NCKAP5L: variants seen among roughly 807,000 people sequenced by gnomAD.
NCKAP5L encodes the protein nck-associated protein 5-like.
A neutral mutation model predicts 103.2 loss-of-function variants in NCKAP5L; 54 were observed. The ratio of observed to expected loss-of-function variants is 0.52; its 90% CI spans 0.42 to 0.66. The LOEUF (loss-of-function observed/expected upper bound fraction) is 0.66, where lower values mean the gene tolerates loss of function less well. NCKAP5L is among the 30% of genes least tolerant of loss of function. The pLI is 0.00. For synonymous variants in NCKAP5L, 762 were observed against 748.6 expected, an observed-to-expected ratio of 1.02 and a Z score of -0.29; for missense variants, 1,733 against 1,750.6, an observed-to-expected ratio of 0.99 and a Z score of 0.18.
rs1260960734 is a variant in NCKAP5L, at chr12:49,802,032, C to G, written c.232-65G>C. 3 of 1,592,306 alleles carry G rather than the reference C, an allele frequency of 1.9e-6. No individual in the cohort carries two copies. The African/African-American group carries it at 4.0e-5, about 21-fold the overall frequency. On this transcript the variant is annotated intron_variant, in intron 5 of 12. Coordinates refer to ENST00000335999, the MANE Select transcript of NCKAP5L (RefSeq NM_001037806.4). ...GATGGTGGGAGAGTGTCACAGTGCT[C>G]TTCATCAGAGCAGCGGCATCTGTCT...
At chr12:49,802,782 C>A in intron 5 of NCKAP5L, 176 bp downstream of exon 5, 2 of 668,250 alleles carry the variant, frequency 3.0e-6, no homozygotes, top group South Asian at 1.9e-5. Context: ...TGCTCAGAGA[C>A]CTGGCCTTAC....
chr12:49,804,736 C>T (rs1174896010), intron 2 of NCKAP5L: 1 of 152,264 alleles, frequency 6.6e-6, no homozygotes, highest in East Asian at 1.9e-4. Flanking sequence ...TTTCCTAGTT[C>T]TGAGAAATGG....
chr12:49,792,869 T>C lies in NCKAP5L; in HGVS notation c.3458A>G (p.Asp1153Gly). 6.5e-7 allele frequency: 1 copy of C among 1,546,114 alleles called. No individual in the cohort carries two copies. The highest frequency in any genetic ancestry group is 2.3e-5 in the East Asian group (1 of 44,338). The change falls in exon 11 of 13, where the codon GAT becomes GGT. Residue 1153 changes from aspartate (D) to glycine (G), a missense_variant. Transcript: ENST00000335999. The surrounding 1 kb of genome is among the most constrained non-coding windows in gnomAD (Gnocchi z 4.5). Reference protein sequence around the residue: ...NLPKTKPPRLDPPPGVPPARP... With the variant: ...NLPKTKPPRLGPPPGVPPARP... ...AGCTGGGGGTACCCCAGGTGGGGGATCCAGCCGCGGTGGCTTGGTCTTAGG... is the reference window on the plus strand; with the variant it reads ...AGCTGGGGGTACCCCAGGTGGGGGACCCAGCCGCGGTGGCTTGGTCTTAGG...
At chr12:49,814,817 C>T (rs1458895935) in intron 1 of NCKAP5L, among the ~76,000 whole-genome samples, 1 of 152,230 alleles carries the variant, frequency 6.6e-6, no homozygotes, top group African/African-American at 2.4e-5. Flanking sequence ...CAGGATTCCA[C>T]AGGGTACTTG....
Position 49,791,740 on chromosome 12 carries a change from C to T in NCKAP5L, c.*99G>A. ...TCTTATCCACCTGCCTCCTTGGTCCCTTCAGGGAGGGGTCCCCGTCTCCGG... is the reference window on the plus strand; with the variant it reads ...TCTTATCCACCTGCCTCCTTGGTCCTTTCAGGGAGGGGTCCCCGTCTCCGG... On this transcript the variant is annotated 3_prime_UTR_variant, in exon 13 of 13. Coordinates refer to ENST00000335999, the MANE Select transcript of NCKAP5L (RefSeq NM_001037806.4). 1 of 1,142,184 alleles carries T rather than the reference C, an allele frequency of 8.8e-7. No individual in the cohort carries two copies. The highest frequency in any genetic ancestry group is 1.6e-5 in the African/African-American group (1 of 63,460). The allele number at this position is 1,142,184 out of a possible 1,614,324, so 70.8% of individuals were successfully genotyped here. A position where few individuals can be genotyped will look rare whatever the true frequency, so the allele number is the denominator to read the frequency against.
intron 6 of NCKAP5L, 45 bp downstream of exon 6, chr12:49,801,803 G>A (rs2137010771): frequency 1.2e-6 from 2 of 1,608,800 alleles, no homozygotes; most frequent in Non-Finnish European, 1.7e-6. Flanking sequence ...GAGCCGAGGA[G>A]GCAGGAGGCA....
chr12:49,795,289 C>T lies in NCKAP5L; in HGVS notation c.2571G>A (p.Thr857=), dbSNP rs750475923. The part of the protein sequence containing the change: ...GPPWADCGST[T]AQSTPLVPGP... ...CAGGTACTAGGGGTGTGGACTGGGC[C>T]GTGGTACTACCACAGTCTGCCCAGG... is the stretch of plus-strand genomic sequence containing the variant. Residue 857 remains threonine, a synonymous_variant, in exon 8 of 13, where the codon ACG becomes ACA. Transcript: ENST00000335999. 7.9e-5 allele frequency: 121 copies of T among 1,530,068 alleles called. 1 individual carries two copies. The highest frequency in any genetic ancestry group is 2.4e-4 in the Admixed American group (11 of 46,342). 94.8% of individuals were successfully genotyped at this position (1,530,068 alleles called of 1,614,324 possible).
chr12:49,801,980 C>G lies in NCKAP5L; in HGVS notation c.232-13G>C. The G allele has an allele frequency of 6.2e-7, 1 of 1,613,348 alleles. No homozygotes were observed. The highest frequency in any genetic ancestry group is 8.5e-7 in the Non-Finnish European group (1 of 1,179,732). ...CCTCTCGCAGGTCCTGCCGCCCACC[C>G]CGGGAAGTGCAGGAAGAAGAGGTGA... On this transcript the variant is annotated splice_polypyrimidine_tract_variant and intron_variant, in intron 5 of 12. Coordinates refer to ENST00000335999, the MANE Select transcript of NCKAP5L (RefSeq NM_001037806.4).
rs1945974029 is a variant in NCKAP5L at position 49,793,444 on chromosome 12, T to C, written c.3259-11A>G. ...TGGCTCGCTGCTCGGCTGTGTGGGA[T>C]ACAGGAGACCTCATAGTCCACTCCT... On this transcript the variant is annotated splice_polypyrimidine_tract_variant and intron_variant, in intron 9 of 12. Transcript: ENST00000335999. 6.2e-7 allele frequency: 1 copy of C among 1,609,158 alleles called. No individual in the cohort carries two copies. The highest frequency in any genetic ancestry group is 8.5e-7 in the Non-Finnish European group (1 of 1,179,538).
intron 1 of NCKAP5L, among the ~76,000 whole-genome samples, chr12:49,827,998 G>A (rs900801562): frequency 4.6e-5 from 7 of 152,322 alleles, no homozygotes; most frequent in African/African-American, 1.7e-4. Flanking sequence ...TTCAAAGAGG[G>A]AGGGGAGCCC....
At chr12:49,818,389 C>T (rs1244848780) in intron 1 of NCKAP5L, among the ~76,000 whole-genome samples, 1 of 147,902 alleles carries the variant, frequency 6.8e-6, no homozygotes, top group Non-Finnish European at 1.5e-5. Flanking sequence ...TTCACTCAGG[C>T]TGGAGTGCAG....
intron 1 of NCKAP5L, among the ~76,000 whole-genome samples, chr12:49,827,928 G>T (rs181016201): frequency 6.6e-6 from 1 of 152,210 alleles, no homozygotes; most frequent in African/African-American, 2.4e-5. Flanking sequence ...ACCGCTAAGC[G>T]GCACCCGGAC....
intron 5 of NCKAP5L, 79 bp from the exon 6 acceptor site, chr12:49,802,046 C>T (rs1413851347): frequency 1.6e-5 from 24 of 1,548,106 alleles, no homozygotes; most frequent in South Asian, 5.8e-5. Flanking sequence ...ATCAGAGCAG[C>T]GGCATCTGTC....
chr12:49,801,814 G>A (rs759334089), intron 6 of NCKAP5L, 34 bp downstream of exon 6: 35 of 1,611,664 alleles, frequency 2.2e-5, no homozygotes, highest in Admixed American at 2.2e-4. Context: ...GCAGGAGGCA[G>A]TGCGATGGGA....
chr12:49,796,939 G>T lies in NCKAP5L; in HGVS notation c.921C>A (p.Asp307Glu). Reference protein sequence around the residue: ...SSSSSSDEAGDPNEAPSPDTL... With the variant: ...SSSSSSDEAGEPNEAPSPDTL... ...TGTCGGGGCTGGGTGCCTCATTGGG[G>T]TCACCTGCCTCATCAGAAGAGGAGG... The change falls in exon 8 of 13, where the codon GAC becomes GAA. Residue 307 changes from aspartate to glutamate, a missense_variant. Coordinates refer to ENST00000335999, the MANE Select transcript of NCKAP5L (RefSeq NM_001037806.4). 1 of 1,606,112 alleles carries T rather than the reference G, an allele frequency of 6.2e-7. No homozygotes were observed. The highest frequency in any genetic ancestry group is 8.5e-7 in the Non-Finnish European group (1 of 1,176,900).
At chr12:49,793,574 G>A in intron 9 of NCKAP5L, 141 bp from the exon 10 acceptor site, 1 of 1,227,198 alleles carries the variant, frequency 8.1e-7, no homozygotes, top group East Asian at 2.5e-5. Flanking sequence ...GAGAGCCCCT[G>A]CAGACTGGGA....
rs1251634989 is a variant in NCKAP5L, at chr12:49,796,108, G to A, written c.1752C>T (p.Tyr584=). 1.2e-6 allele frequency: 2 copies of A among 1,609,878 alleles called. No individual in the cohort carries two copies. Among genetic ancestry groups the A allele is most frequent in the South Asian group, 1.1e-5 (1 of 90,628 alleles). Residue 584 remains tyrosine (Y), a synonymous_variant, in exon 8 of 13, where the codon TAC becomes TAT. Transcript: ENST00000335999. ...GTGGTACCTCCAGAGTTAGCTGTGG[G>A]TAGGTGGGCACCTGCAGTGGGGATG... ...PPPSPLQVPT[Y]PQLTLEVPQA...
chr12:49,796,737 C>T lies in NCKAP5L; in HGVS notation c.1123G>A (p.Gly375Ser). The T allele has an allele frequency of 5.6e-6, 9 of 1,611,906 alleles. No homozygotes were observed. The highest frequency in any genetic ancestry group is 7.6e-6 in the Non-Finnish European group (9 of 1,179,040). Residue 375 changes from glycine to serine, a missense_variant, in exon 8 of 13, where the codon GGC (glycine) becomes AGC (serine). By Grantham distance (56) the Gly-to-Ser change is moderately conservative. Coordinates refer to ENST00000335999, the MANE Select transcript of NCKAP5L (RefSeq NM_001037806.4). The stretch of plus-strand genomic sequence containing the variant: ...CCACCCCAAGCTGACTTGGGGAGGC[C>T]TTTGGACTTAGACAGCTGTGGGGGC... ...QAPPQLSKSK[G>S]LPKSAWGGGT...
intron 8 of NCKAP5L, 75 bp downstream of exon 8, chr12:49,794,689 CA>C (rs1223084631): frequency 2.5e-6 from 3 of 1,195,390 alleles, no homozygotes; most frequent in Non-Finnish European, 3.4e-6. Context: ...GGCCTAGCTC[CA>C]GACGCAGGTG....
Sources: allele counts gnomAD v4.1 joint callset (sites outside exome capture counted in the v4.1 genomes callset), GRCh38; gene constraint gnomAD v4.1.1; non-coding constraint Gnocchi (gnomAD v3.1); transcripts MANE v1.5; gene names NCBI Gene and HGNC (gene_info 2026-07-23, HGNC 2026-07-21).